The following MYO10 variants were observed in gnomAD, a reference collection of about 807,000 sequenced individuals.
MYO10 encodes the protein myosin X, also known as unconventional myosin-X.
A neutral mutation model predicts 257.3 loss-of-function variants in MYO10; 133 were observed. The observed-to-expected ratio is 0.52, with a 90% confidence interval of 0.45 to 0.60. The LOEUF (loss-of-function observed/expected upper bound fraction) is 0.60. MYO10 is among the 20% of genes least tolerant of loss of function. The pLI is 0.00. For synonymous variants in MYO10, 1,104 were observed against 1,028.6 expected, an observed-to-expected ratio of 1.07 and a Z score of -1.40; for missense variants, 2,399 against 2,635.7, an observed-to-expected ratio of 0.91 and a Z score of 1.97.
chr5:16,834,424 G>T (rs1049826489), intron 2 of MYO10, among the ~76,000 whole-genome samples: 3 of 152,146 alleles, frequency 2.0e-5, no homozygotes, highest in Admixed American at 6.6e-5. Flanking sequence ...ATAGCAGGGG[G>T]TGCTGAGGAC....
chr5:16,722,208 C>T (rs1475794490), intron 19 of MYO10, among the ~76,000 whole-genome samples: 1 of 152,222 alleles, frequency 6.6e-6, no homozygotes, highest in Non-Finnish European at 1.5e-5. Flanking sequence ...AGGTTCCCAG[C>T]ACACGCTGTA....
chr5:16,926,031 G>A (rs1165571178), intron 1 of MYO10, among the ~76,000 whole-genome samples: 8 of 152,104 alleles, frequency 5.3e-5, no homozygotes, highest in African/African-American at 1.9e-4. Context: ...CCTAAAAGAG[G>A]ATAATTTGAA....
At chr5:16,720,875 G>A (rs945514195) in intron 19 of MYO10, among the ~76,000 whole-genome samples, 10 of 152,196 alleles carry the variant, frequency 6.6e-5, no homozygotes, top group African/African-American at 2.4e-4. Context: ...GTGGAGATTA[G>A]TATGCCACTA....
At chr5:16,792,171 A>G (rs1018174794) in intron 4 of MYO10, among the ~76,000 whole-genome samples, 21 of 145,816 alleles carry the variant, frequency 1.4e-4, no homozygotes, top group Middle Eastern at 3.5e-3. Flanking sequence ...AGAGGGAGAG[A>G]CAGAGACAGA....
At chr5:16,825,616 C>T (rs1742977673) in intron 2 of MYO10, among the ~76,000 whole-genome samples, 1 of 152,172 alleles carries the variant, frequency 6.6e-6, no homozygotes, top group African/African-American at 2.4e-5. Context: ...GTCCCCAGTG[C>T]CCAGCCCTGG....
chr5:16,927,254 C>CA (rs74319555), intron 1 of MYO10, among the ~76,000 whole-genome samples: 126,490 of 152,134 alleles, frequency 0.83, 53,075 homozygotes, highest in East Asian at 0.97. Context: ...GCATCTACCA[C>CA]AAACATGAAG....
chr5:16,889,552 AAAGG>A (rs1216641399), intron 1 of MYO10, among the ~76,000 whole-genome samples: 1 of 151,574 alleles, frequency 6.6e-6, no homozygotes, highest in Non-Finnish European at 1.5e-5. Context: ...GAAAGGAAGG[AAAGG>A]AAGGAAAGAA....
At chr5:16,685,055 A>T (rs1313529082) in intron 29 of MYO10, among the ~76,000 whole-genome samples, 1 of 152,144 alleles carries the variant, frequency 6.6e-6, no homozygotes, top group Non-Finnish European at 1.5e-5. Flanking sequence ...CAAAAAAAAA[A>T]AATAAGAATA....
intron 1 of MYO10, chr5:16,915,935 C>T (rs1388771675): frequency 2.9e-5 from 12 of 420,870 alleles, no homozygotes; most frequent in South Asian, 1.5e-4. Flanking sequence ...CCAGCCTGGG[C>T]GACAGAGCGA....
chr5:16,831,611 T>G (rs1229340593), intron 2 of MYO10, among the ~76,000 whole-genome samples: 1 of 152,058 alleles, frequency 6.6e-6, no homozygotes, highest in Non-Finnish European at 1.5e-5. Context: ...CTAAGTGAAG[T>G]AACTCAGGAA....
intron 2 of MYO10, among the ~76,000 whole-genome samples, chr5:16,828,576 C>T (rs924766849): frequency 2.0e-5 from 3 of 147,636 alleles, no homozygotes; most frequent in Non-Finnish European, 3.0e-5. Flanking sequence ...GCTGAGATTG[C>T]GCCACTGCAC....
At chr5:16,669,902 C>A (rs1171348896) in intron 39 of MYO10, among the ~76,000 whole-genome samples, 1 of 152,110 alleles carries the variant, frequency 6.6e-6, no homozygotes, top group Non-Finnish European at 1.5e-5. Flanking sequence ...CAACTCTGTA[C>A]AAAAACAGCC....
At chr5:16,828,467 A>C (rs1171725024) in intron 2 of MYO10, among the ~76,000 whole-genome samples, 1 of 151,980 alleles carries the variant, frequency 6.6e-6, no homozygotes, top group African/African-American at 2.4e-5. Flanking sequence ...AAAAATAACA[A>C]AAGTTAGCAG....
intron 2 of MYO10, among the ~76,000 whole-genome samples, chr5:16,861,423 T>C (rs1053091473): frequency 3.3e-5 from 5 of 151,618 alleles, no homozygotes; most frequent in African/African-American, 1.2e-4. Context: ...ATAAAAAAAT[T>C]AGCAAGGCAT....
chr5:16,852,760 T>A (rs554252815), intron 2 of MYO10, among the ~76,000 whole-genome samples: 15 of 152,192 alleles, frequency 9.9e-5, no homozygotes, highest in African/African-American at 3.4e-4. Context: ...CACACGTAAA[T>A]GACACAGCAA....
At chr5:16,840,598 C>T (rs528561085) in intron 2 of MYO10, among the ~76,000 whole-genome samples, 34 of 152,252 alleles carry the variant, frequency 2.2e-4, no homozygotes, top group Admixed American at 9.1e-4. Context: ...AGGAACAGAG[C>T]CACTACAAGC....
At chr5:16,828,603 G>T (rs1743069441) in intron 2 of MYO10, among the ~76,000 whole-genome samples, 1 of 136,954 alleles carries the variant, frequency 7.3e-6, no homozygotes. Flanking sequence ...CTGGATGACA[G>T]AGAGAGACTC....
At chr5:16,749,068 C>A (rs1740303316) in intron 19 of MYO10, among the ~76,000 whole-genome samples, 1 of 152,170 alleles carries the variant, frequency 6.6e-6, no homozygotes, top group Non-Finnish European at 1.5e-5. Context: ...ACGTCTCCAG[C>A]TTCCTTCTCT....
At position 16,748,604 on chromosome 5, in the gene MYO10, A is replaced by AAGAGGGAGGGAG. The variant is rs1553991944; in HGVS notation, c.1929+6223_1929+6224insCTCCCTCCCTCT. On this transcript the variant is annotated intron_variant, in intron 19 of 40. Coordinates refer to ENST00000513610, the MANE Select transcript of MYO10 (RefSeq NM_012334.3). ...TGAAGAAAGGAAGAAAGAAAAGAAA[A>AAGAGGGAGGGAG]AGAGGGAGAGAGGGAGAGAGGGAGG... Among the ~76,000 whole-genome samples, 826 of 120,886 alleles carry AAGAGGGAGGGAG rather than the reference A, an allele frequency of 6.8e-3. 9 individuals are homozygous for AAGAGGGAGGGAG. Among genetic ancestry groups the AAGAGGGAGGGAG allele is most frequent in the African/African-American group, 0.038 (786 of 20,772 alleles). 79.3% of individuals were successfully genotyped at this position (120,886 alleles called of 152,430 possible).
Sources: gnomAD v4.1 joint callset for allele counts (sites outside exome capture counted in the v4.1 genomes callset) on GRCh38, gnomAD v4.1.1 for gene constraint, MANE v1.5 for transcripts, NCBI Gene and HGNC (gene_info 2026-07-23, HGNC 2026-07-21) for gene names.